DAB1: variants seen among roughly 807,000 people sequenced by gnomAD.
DAB1 encodes the protein DAB adaptor protein 1.
Under a neutral mutation model 64.6 loss-of-function variants are expected in DAB1, and 15 were observed. That is an observed-to-expected ratio of 0.23 (90% CI 0.16 to 0.36). The LOEUF (loss-of-function observed/expected upper bound fraction) is 0.36, where lower values mean the gene tolerates loss of function less well. Ranked by LOEUF, DAB1 falls within the 10% of genes least tolerant of loss-of-function variation. The pLI, the probability that DAB1 is intolerant of heterozygous loss-of-function variation, is 1.00. For missense variants in DAB1, 596 were observed against 706.7 expected, an observed-to-expected ratio of 0.84 and a Z score of 1.78; for synonymous variants, 235 against 251.9, an observed-to-expected ratio of 0.93 and a Z score of 0.64.
chr1:58,245,716 A>G (rs1371189336), intron 4 of DAB1, among the ~76,000 whole-genome samples: 1 of 152,192 alleles, frequency 6.6e-6, no homozygotes, highest in Non-Finnish European at 1.5e-5. Context: ...TTACAACACC[A>G]GTCACATCGG....
At chr1:57,146,605 A>T (rs542115568) in intron 2 of DAB1, among the ~76,000 whole-genome samples, 92 of 152,194 alleles carry the variant, frequency 6.0e-4, no homozygotes, top group Non-Finnish European at 7.9e-4. Context: ...AAACAACAGC[A>T]ATCACTAACC....
chr1:57,326,331 C>A (rs747898358), intron 1 of DAB1, among the ~76,000 whole-genome samples: 2 of 152,166 alleles, frequency 1.3e-5, no homozygotes, highest in Non-Finnish European at 1.5e-5. Flanking sequence ...CAGCAGGAAG[C>A]AAAAGAGGGC....
At chr1:57,866,892 G>C (rs982937420) in intron 1 of DAB1, 1 of 152,144 alleles carries the variant, frequency 6.6e-6, no homozygotes, top group African/African-American at 2.4e-5. Flanking sequence ...AGGTAGCTGA[G>C]AGCAGGTGAA....
chr1:57,884,684 C>T (rs1475333483), upstream of DAB1, among the ~76,000 whole-genome samples: 1 of 152,178 alleles, frequency 6.6e-6, no homozygotes, highest in Non-Finnish European at 1.5e-5. Flanking sequence ...ATCCTCATTG[C>T]TATAGTTCGG....
intron 6 of DAB1, among the ~76,000 whole-genome samples, chr1:57,715,244 G>A (rs1647071077): frequency 6.6e-6 from 1 of 152,132 alleles, no homozygotes; most frequent in Non-Finnish European, 1.5e-5. Flanking sequence ...TATTACAAAA[G>A]TGCTCAACAT....
At chr1:58,315,577 C>A (rs1427675358) in intron 4 of DAB1, among the ~76,000 whole-genome samples, 1 of 152,102 alleles carries the variant, frequency 6.6e-6, no homozygotes, top group Non-Finnish European at 1.5e-5. Context: ...CTGTAGTGTT[C>A]ATGGTTCTAT....
intron 4 of DAB1, among the ~76,000 whole-genome samples, chr1:58,314,211 C>G (rs1330858710): frequency 1.3e-5 from 2 of 152,066 alleles, no homozygotes; most frequent in African/African-American, 4.8e-5. Context: ...AAACCTTTGT[C>G]TCATGCCCAT....
At chr1:57,506,057 T>G (rs1422880122) in intron 7 of DAB1, among the ~76,000 whole-genome samples, 3 of 152,244 alleles carry the variant, frequency 2.0e-5, no homozygotes, top group South Asian at 4.1e-4. Context: ...CTGCCTTTGC[T>G]GAAGAGAGGG....
intron 3 of DAB1, among the ~76,000 whole-genome samples, chr1:58,422,794 C>T (rs1418213450): frequency 3.3e-5 from 5 of 149,560 alleles, no homozygotes; most frequent in East Asian, 3.9e-4. Context: ...GACAGTGGAG[C>T]CTCTGCTAAT....
chr1:57,121,726 A>G (rs779020698), intron 4 of DAB1, among the ~76,000 whole-genome samples: 1 of 151,746 alleles, frequency 6.6e-6, no homozygotes, highest in Non-Finnish European at 1.5e-5. Flanking sequence ...ATCTTGAGTT[A>G]ATTTTTGTAT....
intron 7 of DAB1, among the ~76,000 whole-genome samples, chr1:57,627,632 T>C (rs1042163993): frequency 5.9e-5 from 9 of 152,196 alleles, no homozygotes; most frequent in African/African-American, 1.7e-4. Flanking sequence ...GAATGGCATA[T>C]AATAAATGTT....
intron 3 of DAB1, among the ~76,000 whole-genome samples, chr1:58,452,042 C>T (rs915049656): frequency 1.3e-5 from 2 of 151,392 alleles, no homozygotes; most frequent in African/African-American, 4.9e-5. Flanking sequence ...AAGCGATTCT[C>T]TTGCCTTAGC....
intron 7 of DAB1, among the ~76,000 whole-genome samples, chr1:57,459,096 C>G (rs1460399893): frequency 6.6e-6 from 1 of 151,986 alleles, no homozygotes; most frequent in African/African-American, 2.4e-5. Context: ...ACTCATGAAC[C>G]TATTATCAAA....
intron 6 of DAB1, among the ~76,000 whole-genome samples, chr1:57,694,931 C>G (rs1233559749): frequency 6.6e-6 from 1 of 152,010 alleles, no homozygotes; most frequent in East Asian, 1.9e-4. Flanking sequence ...TGGGCATAAA[C>G]TGTTATCATA....
intron 3 of DAB1, among the ~76,000 whole-genome samples, chr1:57,144,550 CA>C (rs1164450085): frequency 1.3e-5 from 2 of 151,924 alleles, no homozygotes; most frequent in Admixed American, 6.6e-5. Flanking sequence ...AAAAATTAGC[CA>C]GGCCTGGTAG....
At chr1:58,195,136 GAGAGAGAC>G (rs150055575) in intron 4 of DAB1, among the ~76,000 whole-genome samples, 40,669 of 151,530 alleles carry the variant, frequency 0.27, 5,794 homozygotes, top group East Asian at 0.44. Flanking sequence ...GAGAGAGAGA[GAGAGAGAC>G]AGAGAGACAG....
At chr1:57,419,614 T>A (rs1376115304) in intron 1 of DAB1, among the ~76,000 whole-genome samples, 2 of 152,168 alleles carry the variant, frequency 1.3e-5, no homozygotes, top group African/African-American at 4.8e-5. Flanking sequence ...TTTTTCATTA[T>A]CTAGGAGATG....
At chr1:58,252,147 A>G (rs957814492) in intron 4 of DAB1, among the ~76,000 whole-genome samples, 6 of 152,228 alleles carry the variant, frequency 3.9e-5, no homozygotes, top group Admixed American at 6.5e-5. Context: ...CATTAATTTC[A>G]TGTTCAACAT....
chr1:57,009,325 G>A (rs1272464397), intron 14 of DAB1, among the ~76,000 whole-genome samples: 1 of 152,190 alleles, frequency 6.6e-6, no homozygotes, highest in Non-Finnish European at 1.5e-5. Context: ...AACTCCCGAA[G>A]TAGCTTTGCA....
Sources: gnomAD v4.1 joint callset for allele counts (sites outside exome capture counted in the v4.1 genomes callset) on GRCh38, gnomAD v4.1.1 for gene constraint, MANE v1.5 for transcripts, NCBI Gene and HGNC (gene_info 2026-07-23, HGNC 2026-07-21) for gene names.